The following CSMD1 variants were observed in gnomAD, a reference collection of about 807,000 sequenced individuals.
CSMD1 encodes CUB and sushi domain-containing protein 1.
A neutral mutation model predicts 417.5 loss-of-function variants in CSMD1; 213 were observed. The ratio of observed to expected loss-of-function variants is 0.51; its 90% confidence interval spans 0.46 to 0.57. CSMD1 has a LOEUF of 0.57. Ranked by LOEUF, CSMD1 falls within the 20% of genes least tolerant of loss-of-function variation. The pLI, the probability that CSMD1 is intolerant of heterozygous loss-of-function variation, is 0.00. For missense variants in CSMD1, 6,923 were observed against 4,529.7 expected (o/e 1.53, Z -15.17); for synonymous variants, 2,862 against 1,736.8 (o/e 1.65, Z -16.11).
chr8:4,059,065 A>G (rs1370610990), intron 3 of CSMD1, among the ~76,000 whole-genome samples: 3 of 152,302 alleles, frequency 2.0e-5, no homozygotes, highest in South Asian at 2.1e-4. Flanking sequence ...CAGCAAATGT[A>G]AAAGAACAGA....
intron 5 of CSMD1, among the ~76,000 whole-genome samples, chr8:3,948,338 C>G (rs1368732874): frequency 6.6e-6 from 1 of 152,058 alleles, no homozygotes; most frequent in East Asian, 1.9e-4. Flanking sequence ...GAATTTGGGA[C>G]AGAGGCTTTA....
chr8:3,578,451 T>C (rs1390644715), intron 9 of CSMD1, among the ~76,000 whole-genome samples: 1 of 152,154 alleles, frequency 6.6e-6, no homozygotes, highest in African/African-American at 2.4e-5. Context: ...ATCTCGGCAG[T>C]GCACGCAGGC....
intron 2 of CSMD1, among the ~76,000 whole-genome samples, chr8:4,611,065 G>A (rs1292610394): frequency 6.6e-6 from 1 of 151,634 alleles, no homozygotes; most frequent in East Asian, 1.9e-4. Context: ...AAAAACTTAA[G>A]AAAAGTGAAA....
chr8:3,702,310 G>C (rs1246839291), intron 7 of CSMD1: 1 of 152,164 alleles, frequency 6.6e-6, no homozygotes, highest in Non-Finnish European at 1.5e-5. Context: ...AATTGGGCAA[G>C]TCATTTGTCT....
intron 1 of CSMD1, among the ~76,000 whole-genome samples, chr8:4,987,415 T>C (rs1227231302): frequency 6.6e-6 from 1 of 152,212 alleles, no homozygotes; most frequent in Non-Finnish European, 1.5e-5. Flanking sequence ...GCTCAGTGCC[T>C]TGCAAAGTTG....
intron 11 of CSMD1, among the ~76,000 whole-genome samples, chr8:3,481,278 T>G (rs905903288): frequency 2.6e-5 from 4 of 151,966 alleles, no homozygotes; most frequent in African/African-American, 9.7e-5. Context: ...ACCTGTGTTT[T>G]CAAAAGAGAA....
rs34216109 is a variant in CSMD1, at chr8:3,534,211, G to A, written c.1345-40485C>T. Among the ~76,000 whole-genome samples, 541 of 152,192 alleles carry A rather than the reference G, an allele frequency of 3.6e-3. 4 individuals are homozygous for A. Among genetic ancestry groups the A allele is most frequent in the Middle Eastern group, 0.014 (4 of 294 alleles). On this transcript the variant is annotated intron_variant, in intron 10 of 69. Coordinates refer to ENST00000635120, the MANE Select transcript of CSMD1 (RefSeq NM_033225.6). ...CACTTACTCACTCCTGCAATGCCAC[G>A]CCCTTTGCCTAGGTAGTCCAGAAGA...
chr8:3,788,212 A>G (rs898720557), intron 5 of CSMD1, among the ~76,000 whole-genome samples: 1 of 152,236 alleles, frequency 6.6e-6, no homozygotes, highest in African/African-American at 2.4e-5. Context: ...TAGTTGGATC[A>G]CAGGATTTAA....
At chr8:4,797,914 C>T (rs2117266883) in intron 1 of CSMD1, among the ~76,000 whole-genome samples, 1 of 152,226 alleles carries the variant, frequency 6.6e-6, no homozygotes, top group East Asian at 1.9e-4. Context: ...CACAGAAGGG[C>T]ATGACAGATC....
chr8:4,025,926 C>T (rs942542699), intron 4 of CSMD1, among the ~76,000 whole-genome samples: 2 of 151,208 alleles, frequency 1.3e-5, no homozygotes, highest in Admixed American at 6.6e-5. Flanking sequence ...GAAAATATTG[C>T]TAGTTTGAAT....
At chr8:3,846,294 G>A (rs536717601) in intron 5 of CSMD1, among the ~76,000 whole-genome samples, 1 of 152,268 alleles carries the variant, frequency 6.6e-6, no homozygotes, top group Admixed American at 6.5e-5. Context: ...ATAGGTGATA[G>A]GAATATTCCA....
At chr8:3,640,626 C>A (rs978707289) in intron 7 of CSMD1, among the ~76,000 whole-genome samples, 6 of 152,184 alleles carry the variant, frequency 3.9e-5, no homozygotes, top group African/African-American at 1.4e-4. Flanking sequence ...AGACCTCAGT[C>A]GTCCTGCTAC....
In CSMD1 at chr8:3,927,757, A is replaced by G. The variant is rs552049416; in HGVS notation, c.818+70146T>C. Among the ~76,000 whole-genome samples the G allele has an allele frequency of 9.8e-5, 15 of 152,318 alleles. No individual in the cohort carries two copies. The South Asian group carries it at 2.7e-3, about 27-fold the overall frequency. On this transcript the variant is annotated intron_variant, in intron 5 of 69. Transcript: ENST00000635120. ...AAAGAAGATGCTAATTTGATTGCGT[A>G]TAAGCAGAACACTAAGAAAAATACC...
At chr8:3,752,301 G>C (rs1370859960) in intron 6 of CSMD1, among the ~76,000 whole-genome samples, 2 of 152,160 alleles carry the variant, frequency 1.3e-5, no homozygotes, top group Admixed American at 6.5e-5. Context: ...ATCAAGCTAA[G>C]AACCTTCCGG....
intron 23 of CSMD1, among the ~76,000 whole-genome samples, chr8:3,312,823 GTGTTTCAGACACTT>G (rs1215084923): frequency 6.6e-6 from 1 of 151,920 alleles, no homozygotes; most frequent in African/African-American, 2.4e-5. Flanking sequence ...CTTCAATCTG[GTGTTTCAGACACTT>G]TGACCCCTAG....
chr8:4,796,894 C>G (rs185304009), intron 1 of CSMD1, among the ~76,000 whole-genome samples: 19 of 152,262 alleles, frequency 1.2e-4, no homozygotes, highest in Admixed American at 1.1e-3. Context: ...ACAACTGAAA[C>G]GCTATGGACA....
At chr8:3,999,646 C>T (rs1014563225) in intron 4 of CSMD1, among the ~76,000 whole-genome samples, 3 of 152,136 alleles carry the variant, frequency 2.0e-5, no homozygotes, top group Non-Finnish European at 4.4e-5. Context: ...CATTTCCCAT[C>T]CTTCCTACGG....
At chr8:4,951,057 C>G (rs1187636506) in intron 1 of CSMD1, among the ~76,000 whole-genome samples, 1 of 152,012 alleles carries the variant, frequency 6.6e-6, no homozygotes, top group Admixed American at 6.6e-5. Flanking sequence ...GTAGCTTCAA[C>G]AAATACAAAT....
At chr8:4,031,384 C>T (rs948191247) in intron 4 of CSMD1, among the ~76,000 whole-genome samples, 5 of 152,174 alleles carry the variant, frequency 3.3e-5, no homozygotes, top group Non-Finnish European at 7.3e-5. Flanking sequence ...TGGCAGCAGG[C>T]AAAGAGAGAG....
Sources: gnomAD v4.1 joint callset for allele counts (sites outside exome capture counted in the v4.1 genomes callset) on GRCh38, gnomAD v4.1.1 for gene constraint, MANE v1.5 for transcripts, NCBI Gene and HGNC (gene_info 2026-07-23, HGNC 2026-07-21) for gene names.